ALG9: variants seen among roughly 807,000 people sequenced by gnomAD.
The protein encoded by ALG9 is alpha-1,2-mannosyltransferase ALG9.
In ALG9, 55 loss-of-function variants were observed where a neutral mutation model predicts 81.8. The ratio of observed to expected loss-of-function variants is 0.67; its 90% CI spans 0.54 to 0.84. ALG9 has a LOEUF of 0.84. Among genes scored for constraint, ALG9 ranks in the 40% least tolerant of loss-of-function variants. The pLI is 0.00. For synonymous variants in ALG9, 278 were observed against 274.3 expected, an observed-to-expected ratio of 1.01 and a Z score of -0.13; for missense variants, 629 against 745.0, an observed-to-expected ratio of 0.84 and a Z score of 1.81.
intron 14 of ALG9, among the ~76,000 whole-genome samples, chr11:111,793,589 T>G (rs535980739): frequency 2.2e-4 from 34 of 151,938 alleles, no homozygotes; most frequent in South Asian, 2.1e-3. Flanking sequence ...GTGAAACCCC[T>G]TCTCTACTAA....
In ALG9 at chr11:111,828,831, C is replaced by A. The variant is rs548334837; in HGVS notation, c.1602+7334G>T. 6.6e-5 allele frequency: 10 copies of A among 152,284 alleles called. No individual in the cohort carries two copies. The East Asian group carries it at 1.5e-3, about 23-fold the overall frequency. The allele number at this position is 152,284 out of a possible 1,614,324, so 9.4% of individuals were successfully genotyped here. ...ATTATTTATTACAAAAAACATCTTACAAAATCACTTACAGTCCTCCGACCC... is the reference window on the plus strand; with the variant it reads ...ATTATTTATTACAAAAAACATCTTAAAAAATCACTTACAGTCCTCCGACCC... On this transcript the variant is annotated intron_variant, in intron 13 of 14. Transcript: ENST00000616540.
the ALG9 span, among the ~76,000 whole-genome samples, chr11:111,774,286 G>A: frequency 1.3e-5 from 2 of 152,040 alleles, no homozygotes; most frequent in African/African-American, 2.4e-5. Context: ...TGAGGCAGGA[G>A]AATTGCTTGA....
chr11:111,845,141 A>C (rs1202230659), intron 8 of ALG9: 2 of 188,856 alleles, frequency 1.1e-5, no homozygotes, highest in Non-Finnish European at 2.2e-5. Context: ...AAGAGTGATA[A>C]AAAAACTTAG....
At chr11:111,791,890 G>A (rs1555070736) in intron 14 of ALG9, among the ~76,000 whole-genome samples, 2 of 152,208 alleles carry the variant, frequency 1.3e-5, no homozygotes, top group South Asian at 2.1e-4. Flanking sequence ...TCAGGAGTTC[G>A]AGACCAGTCT....
chr11:111,841,604 A>C (rs1222123371), intron 9 of ALG9, among the ~76,000 whole-genome samples: 2 of 152,238 alleles, frequency 1.3e-5, no homozygotes, highest in East Asian at 3.8e-4. Flanking sequence ...TACAGGAGTG[A>C]TAATGAGCAA....
downstream of ALG9, among the ~76,000 whole-genome samples, chr11:111,779,945 T>C (rs782584019): frequency 1.3e-5 from 2 of 152,168 alleles, no homozygotes; most frequent in African/African-American, 2.4e-5. Context: ...TTCTCACGTG[T>C]TGGTTATCAT....
intron 6 of ALG9, among the ~76,000 whole-genome samples, chr11:111,856,137 C>T (rs1555142905): frequency 2.0e-5 from 3 of 151,606 alleles, no homozygotes; most frequent in East Asian, 1.9e-4. Context: ...ATTAGCTGGG[C>T]GTGGTGGCAT....
At chr11:111,773,523 G>C in the ALG9 span, among the ~76,000 whole-genome samples, 5 of 152,046 alleles carry the variant, frequency 3.3e-5, no homozygotes, top group Middle Eastern at 3.4e-3. Context: ...GGGATTATGG[G>C]CGTCACAAGG....
chr11:111,812,915 C>CAAAAAAA (rs57311061), intron 13 of ALG9, among the ~76,000 whole-genome samples: 13,438 of 96,730 alleles, frequency 0.14, 1,674 homozygotes, highest in South Asian at 0.19. Flanking sequence ...GACTCTGTCT[C>CAAAAAAA]AAAAAAAAAA....
At chr11:111,841,358 G>A (rs1956183054) in intron 9 of ALG9, among the ~76,000 whole-genome samples, 1 of 152,092 alleles carries the variant, frequency 6.6e-6, no homozygotes, top group African/African-American at 2.4e-5. Context: ...TTGTTTCAAG[G>A]CAAACATAAA....
At chr11:111,811,478 G>A (rs994537568) in intron 13 of ALG9, among the ~76,000 whole-genome samples, 3 of 150,658 alleles carry the variant, frequency 2.0e-5, no homozygotes, top group South Asian at 2.1e-4. Context: ...GGGAGGTGGA[G>A]GTTGCAGTGA....
intron 8 of ALG9, among the ~76,000 whole-genome samples, chr11:111,851,841 G>C (rs182820849): frequency 3.9e-5 from 6 of 152,136 alleles, no homozygotes; most frequent in Non-Finnish European, 8.8e-5. Flanking sequence ...AGAGGCAAAA[G>C]CTTAATACTG....
intron 8 of ALG9, chr11:111,849,928 T>C (rs1190081925): frequency 1.3e-5 from 2 of 152,232 alleles, no homozygotes; most frequent in African/African-American, 4.8e-5. Flanking sequence ...AGGAGACTCT[T>C]GTAAAACAGC....
intron 13 of ALG9, among the ~76,000 whole-genome samples, chr11:111,825,779 G>A (rs981851059): frequency 1.3e-5 from 2 of 152,118 alleles, no homozygotes; most frequent in African/African-American, 4.8e-5. Context: ...CGGGCGCGGT[G>A]GCTCACACCT....
chr11:111,864,183 G>A, intron 4 of ALG9: 2 of 588,640 alleles, frequency 3.4e-6, no homozygotes, highest in Non-Finnish European at 6.3e-6. Context: ...ATAAAAGCAA[G>A]AAGTTTTCAG....
intron 14 of ALG9, among the ~76,000 whole-genome samples, chr11:111,804,047 C>T (rs574226896): frequency 1.3e-5 from 2 of 148,762 alleles, no homozygotes; most frequent in South Asian, 2.2e-4. Context: ...GCAGCAGAAT[C>T]GCTTGAACCT....
intron 6 of ALG9, among the ~76,000 whole-genome samples, chr11:111,854,124 G>T (rs1468570453): frequency 6.8e-6 from 1 of 147,264 alleles, no homozygotes; most frequent in Non-Finnish European, 1.5e-5. Flanking sequence ...TTGAGACAGG[G>T]TCTCACTCTA....
At chr11:111,864,405 G>C in intron 4 of ALG9, 2 of 764,742 alleles carry the variant, frequency 2.6e-6, no homozygotes, top group Non-Finnish European at 4.9e-6. Context: ...CTGCTGACTA[G>C]AGTATCTTCA....
intron 13 of ALG9, among the ~76,000 whole-genome samples, chr11:111,825,394 G>T (rs537860248): frequency 5.9e-5 from 9 of 152,272 alleles, no homozygotes; most frequent in African/African-American, 1.9e-4. Flanking sequence ...TGAGAACAAT[G>T]AAACAGAGAA....
Sources: allele counts gnomAD v4.1 joint callset (sites outside exome capture counted in the v4.1 genomes callset), GRCh38; gene constraint gnomAD v4.1.1; transcripts MANE v1.5; gene names NCBI Gene and HGNC (gene_info 2026-07-23, HGNC 2026-07-21).